Variants in DOCK5 observed in about 807,000 individuals in gnomAD.
DOCK5 encodes the protein dedicator of cytokinesis 5.
DOCK5 carries 142 observed loss-of-function variants against 251.8 expected under a neutral mutation model. The ratio of observed to expected loss-of-function variants is 0.56; its 90% CI spans 0.49 to 0.65. The LOEUF (loss-of-function observed/expected upper bound fraction) is 0.65, where lower values mean the gene tolerates loss of function less well. DOCK5 is among the 30% of genes least tolerant of loss of function. The probability of loss-of-function intolerance (pLI) is 0.00; values close to 1 mark genes in which losing one functional copy is unlikely to be tolerated. For synonymous variants in DOCK5, 842 were observed against 835.5 expected, an observed-to-expected ratio of 1.01 and a Z score of -0.13; for missense variants, 2,111 against 2,312.3, an observed-to-expected ratio of 0.91 and a Z score of 1.79.
At chr8:25,410,936 A>AGAGAGAGAG (rs59476898) in intron 51 of DOCK5, among the ~76,000 whole-genome samples, 30,580 of 107,722 alleles carry the variant, frequency 0.28, 4,650 homozygotes, top group East Asian at 0.48. Flanking sequence ...AGAGAGAGAG[A>AGAGAGAGAG]AAATGTGTGT....
At position 25,278,570 on chromosome 8, in the gene DOCK5, C is replaced by T; in HGVS notation, c.226C>T (p.Gln76Ter). Reference protein sequence around the residue: ...LKEATVEDLGQHETVIPGELP... With the variant: ...LKEATVEDLG ...TGACCCTCGTTTGGTTCTTTGTAGG[C>T]AGCATGAAACCGTGATTCCTGGCGA... Residue 76 changes from glutamine to a stop codon, truncating the protein, a stop_gained and splice_region_variant, in exon 5 of 52, where the codon CAG (glutamine) becomes TAG (stop). Coordinates refer to ENST00000276440, the MANE Select transcript of DOCK5 (RefSeq NM_024940.8). LOFTEE classifies it high-confidence loss of function. 6.2e-7 allele frequency: 1 copy of T among 1,613,936 alleles called. No individual in the cohort carries two copies. The highest frequency in any genetic ancestry group is 8.5e-7 in the Non-Finnish European group (1 of 1,179,838).
intron 11 of DOCK5, among the ~76,000 whole-genome samples, chr8:25,306,118 C>G (rs1416068785): frequency 6.6e-6 from 1 of 151,976 alleles, no homozygotes; most frequent in Non-Finnish European, 1.5e-5. Context: ...GCACTCCATC[C>G]TGGGTGACAG....
At chr8:25,356,910 TATATATATATATATA>T (rs1800584582) in intron 27 of DOCK5, among the ~76,000 whole-genome samples, 1 of 830 alleles carries the variant, frequency 1.2e-3, no homozygotes, top group South Asian at 0.056. Context: ...ATGAAGATTA[TATATATATATATATA>T]TATATATATA....
chr8:25,381,905 G>A (rs928132228), intron 39 of DOCK5, among the ~76,000 whole-genome samples: 2 of 152,250 alleles, frequency 1.3e-5, no homozygotes, highest in East Asian at 3.9e-4. Flanking sequence ...AGCAGATACT[G>A]AAAAACCGAA....
intron 18 of DOCK5, among the ~76,000 whole-genome samples, chr8:25,327,503 G>T (rs975734337): frequency 2.6e-5 from 4 of 152,168 alleles, no homozygotes; most frequent in Admixed American, 6.5e-5. Flanking sequence ...AACTAGTAAT[G>T]AAAAGCAAAA....
chr8:25,264,372 G>GA (rs994819967), intron 2 of DOCK5, among the ~76,000 whole-genome samples: 5 of 150,734 alleles, frequency 3.3e-5, no homozygotes, highest in African/African-American at 9.8e-5. Context: ...CCTGCCACAA[G>GA]AAAAAAACAA....
rs1340657749 is a variant in DOCK5 at position 25,372,638 on chromosome 8, G to A, written c.3604G>A (p.Glu1202Lys). Residue 1202 changes from glutamate to lysine, a missense_variant, in exon 35 of 52, where the codon GAG (glutamate) becomes AAG (lysine). Coordinates refer to ENST00000276440, the MANE Select transcript of DOCK5 (RefSeq NM_024940.8). ...VFALLVSSLL[E>K]NLLDYRTIIM... ...CGCCCTCCTGGTCAGCAGCCTCTTA[G>A]AGAACCTGCTGGACTATAGAACCAT... 1.2e-6 allele frequency: 2 copies of A among 1,609,754 alleles called. No homozygotes were observed. The highest frequency in any genetic ancestry group is 2.2e-5 in the South Asian group (2 of 90,138).
At chr8:25,373,031 C>T (rs527574914) in intron 35 of DOCK5, among the ~76,000 whole-genome samples, 2 of 146,688 alleles carry the variant, frequency 1.4e-5, no homozygotes, top group East Asian at 2.0e-4. Context: ...GACGGAGTCT[C>T]GTTCTGTTGC....
At chr8:25,349,488 A>G (rs763970584) in intron 26 of DOCK5, among the ~76,000 whole-genome samples, 2 of 152,210 alleles carry the variant, frequency 1.3e-5, no homozygotes, top group African/African-American at 2.4e-5. Context: ...TAGCAGCACA[A>G]TTTGCAATAG....
intron 35 of DOCK5, among the ~76,000 whole-genome samples, chr8:25,373,167 T>C (rs896003201): frequency 1.3e-5 from 2 of 151,986 alleles, no homozygotes; most frequent in African/African-American, 4.8e-5. Context: ...GCCCAGCTAA[T>C]TTTTGTATTT....
Position 25,321,069 on chromosome 8 carries a change from C to CT in DOCK5, c.1615+18dup. 6.2e-7 allele frequency: 1 copy of CT among 1,608,758 alleles called. No individual in the cohort carries two copies. The highest frequency in any genetic ancestry group is 8.5e-7 in the Non-Finnish European group (1 of 1,177,300). On this transcript the variant is annotated intron_variant, in intron 16 of 51. Coordinates refer to ENST00000276440, the MANE Select transcript of DOCK5 (RefSeq NM_024940.8). ...CTCAGGAAAGTAAGTATTAAGACGT[C>CT]TATGACATATTTCCACTTAAAAAAA...
intron 1 of DOCK5, among the ~76,000 whole-genome samples, chr8:25,230,432 T>C (rs1481260426): frequency 6.6e-6 from 1 of 152,236 alleles, no homozygotes; most frequent in Non-Finnish European, 1.5e-5. Flanking sequence ...TGTAGGTTTG[T>C]GTTAACGTGC....
intron 2 of DOCK5, among the ~76,000 whole-genome samples, chr8:25,261,792 G>A (rs932928248): frequency 4.6e-5 from 7 of 152,114 alleles, no homozygotes; most frequent in African/African-American, 9.7e-5. Context: ...AACAGCCACC[G>A]ATCTGGTTTA....
intron 1 of DOCK5, among the ~76,000 whole-genome samples, chr8:25,241,161 A>C (rs111330848): frequency 0.023 from 3,517 of 152,336 alleles, 159 homozygotes; most frequent in African/African-American, 0.08. Flanking sequence ...TACCATCTCA[A>C]GCCAGTTAGA....
chr8:25,400,971 C>T lies in DOCK5; in HGVS notation c.4831C>T (p.Leu1611Phe). 1 of 1,614,050 alleles carries T rather than the reference C, an allele frequency of 6.2e-7. No individual in the cohort carries two copies. The highest frequency in any genetic ancestry group is 8.5e-7 in the Non-Finnish European group (1 of 1,179,902). ...TEGIRIHGEKLTEQLKPLHER... is the reference protein window; with the variant it reads ...TEGIRIHGEKFTEQLKPLHER... ...AGGGATCCGCATCCATGGGGAGAAA[C>T]TCACAGAGCAGCTGAAGCCGCTGCA... The change falls in exon 47 of 52, where the codon CTC becomes TTC. Residue 1611 changes from leucine (L) to phenylalanine (F), a missense_variant. Leu to Phe is a conservative substitution (Grantham distance 22). Around this residue, in one of 3 missense-constraint regions of DOCK5, gnomAD observed 1,717 missense variants for 1,892.4 expected, o/e 0.91. Coordinates refer to ENST00000276440, the MANE Select transcript of DOCK5 (RefSeq NM_024940.8).
In DOCK5 at chr8:25,340,897, A is replaced by G. The variant is rs557366791; in HGVS notation, c.2348A>G (p.Asp783Gly). The change falls in exon 23 of 52, where the codon GAT becomes GGT. Residue 783 changes from aspartate (D) to glycine (G), a missense_variant. Asp to Gly is a moderately conservative substitution (Grantham distance 94). Coordinates refer to ENST00000276440, the MANE Select transcript of DOCK5 (RefSeq NM_024940.8). ...LYLRFYGQSK[D>G]GDEFNNSIRQ... ...TTAAGATTTTATGGGCAGAGCAAAG[A>G]TGGAGATGAGTTTAATAATTCAATT... The G allele has an allele frequency of 6.2e-7, 1 of 1,613,674 alleles. No individual in the cohort carries two copies. The highest frequency in any genetic ancestry group is 1.3e-5 in the African/African-American group (1 of 75,052).
At chr8:25,234,132 G>A (rs958873983) in intron 1 of DOCK5, among the ~76,000 whole-genome samples, 3 of 152,206 alleles carry the variant, frequency 2.0e-5, no homozygotes, top group Non-Finnish European at 2.9e-5. Flanking sequence ...GTGTAGCCTG[G>A]TTGGGGATCA....
rs140740595 is a variant in DOCK5 at position 25,405,638 on chromosome 8, A to G, written c.5093+1914A>G. Among the ~76,000 whole-genome samples the G allele has an allele frequency of 3.4e-3, 518 of 152,278 alleles. 3 individuals carry two copies. The highest frequency in any genetic ancestry group is 0.028 in the South Asian group (136 of 4,828). ...GCTAGTGTCGCTATTGCTCACTGTTAGATTAACTTGTCTAGAATCCTATTG... is the reference window on the plus strand; with the variant it reads ...GCTAGTGTCGCTATTGCTCACTGTTGGATTAACTTGTCTAGAATCCTATTG... On this transcript the variant is annotated intron_variant, in intron 48 of 51. Transcript: ENST00000276440.
chr8:25,335,157 G>T (rs1427221939), intron 21 of DOCK5, among the ~76,000 whole-genome samples: 1 of 152,202 alleles, frequency 6.6e-6, no homozygotes. Context: ...AGCTGGATTG[G>T]TCCATGATCT....
Sources: gnomAD v4.1 joint callset for allele counts (sites outside exome capture counted in the v4.1 genomes callset) on GRCh38, gnomAD v4.1.1 for gene constraint, gnomAD v4.1.1 regional missense constraint, MANE v1.5 for transcripts, NCBI Gene and HGNC (gene_info 2026-07-23, HGNC 2026-07-21) for gene names.